Variants in KLF11 observed in about 807,000 individuals in gnomAD.
The protein encoded by KLF11 is KLF transcription factor 11.
Under a neutral mutation model 29.9 loss-of-function variants are expected in KLF11, and 26 were observed. The ratio of observed to expected loss-of-function variants is 0.87; its 90% CI spans 0.64 to 1.21. KLF11 has a LOEUF of 1.21. KLF11 is among the 50% of genes most tolerant of loss of function. KLF11 has a pLI of 0.00. For missense variants in KLF11, 778 were observed against 665.7 expected, an observed-to-expected ratio of 1.17 and a Z score of -1.86; for synonymous variants, 318 against 257.4, an observed-to-expected ratio of 1.24 and a Z score of -2.25.
chr2:10,049,195 C>T (rs1450964691), intron 3 of KLF11, among the ~76,000 whole-genome samples: 2 of 152,202 alleles, frequency 1.3e-5, no homozygotes, highest in East Asian at 3.8e-4. Flanking sequence ...TGTTGTCTGT[C>T]CATTAGGGTA....
intron 1 of KLF11, chr2:10,044,033 T>A: frequency 1.4e-6 from 1 of 718,510 alleles, no homozygotes; most frequent in Non-Finnish European, 1.7e-6. Context: ...GCCCCGCGGC[T>A]ATTTCCAGCC....
chr2:10,044,502 C>A, intron 1 of KLF11: 1 of 932,484 alleles, frequency 1.1e-6, no homozygotes, highest in Non-Finnish European at 1.3e-6. Flanking sequence ...GGTTTAGTGG[C>A]GCAGCCTGCG....
Position 10,052,470 on chromosome 2 carries a change from C to G in KLF11, c.1502C>G (p.Pro501Arg), listed in dbSNP as rs377358836. Reference sequence around the variant, plus strand: ...AACAGAATCGCCTCTGCAGAGAGCCCGGGGAGCCCACTGGTGAGCATGCCA... The same window carrying G: ...AACAGAATCGCCTCTGCAGAGAGCCGGGGGAGCCCACTGGTGAGCATGCCA... ...KLNRIASAES[P>R]GSPLVSMPAS... The change falls in exon 4 of 4, where the codon CCG (proline) becomes CGG (arginine). Residue 501 changes from proline to arginine, a missense_variant. Coordinates refer to ENST00000305883, the MANE Select transcript of KLF11 (RefSeq NM_003597.5). 1 of 1,613,988 alleles carries G rather than the reference C, an allele frequency of 6.2e-7. No homozygotes were observed. The highest frequency in any genetic ancestry group is 8.5e-7 in the Non-Finnish European group (1 of 1,179,996).
At chr2:10,044,316 A>T (rs1661109075) in intron 1 of KLF11, 2 of 985,336 alleles carry the variant, frequency 2.0e-6, no homozygotes, top group Admixed American at 6.2e-5. Context: ...GGAGGCGGGA[A>T]CGCGGCACGC....
intron 1 of KLF11, 176 bp downstream of exon 1, chr2:10,043,934 A>C: frequency 5.0e-6 from 5 of 1,006,212 alleles, no homozygotes; most frequent in Non-Finnish European, 5.9e-6. Context: ...GGCGGCCGCG[A>C]CGGGCGCGCC....
In KLF11 at chr2:10,053,433, C is replaced by T; in HGVS notation, c.*926C>T. 2.5e-6 allele frequency: 1 copy of T among 398,666 alleles called. No homozygotes were observed. The allele number at this position is 398,666 out of a possible 1,614,324, so 24.7% of individuals were successfully genotyped here. A position where few individuals can be genotyped will look rare whatever the true frequency, so the allele number is the denominator to read the frequency against. Reference sequence around the variant, plus strand: ...CTGACTCCTTTTGCTGTGGCCTTATCCGTACTATATTGTGGGTAGAGTAAC... The same window carrying T: ...CTGACTCCTTTTGCTGTGGCCTTATTCGTACTATATTGTGGGTAGAGTAAC... On this transcript the variant is annotated 3_prime_UTR_variant, in exon 4 of 4. Coordinates refer to ENST00000305883, the MANE Select transcript of KLF11 (RefSeq NM_003597.5).
rs74689564 is a variant in KLF11 at position 10,049,798 on chromosome 2, A to C, written c.1258+1203A>C. Among the ~76,000 whole-genome samples, 481 of 152,296 alleles carry C rather than the reference A, an allele frequency of 3.2e-3. 17 individuals are homozygous for C. The East Asian group carries it at 0.085, about 27-fold the overall frequency. ...CCTGGATATATTCCTGGTGCTTGAT[A>C]AAAGGGCCTGACACTAGTCAGTAAA... On this transcript the variant is annotated intron_variant, in intron 3 of 3. Coordinates refer to ENST00000305883, the MANE Select transcript of KLF11 (RefSeq NM_003597.5).
rs577668601 is a variant in KLF11 at position 10,053,016 on chromosome 2, A to C, written c.*509A>C. On this transcript the variant is annotated 3_prime_UTR_variant, in exon 4 of 4. Transcript: ENST00000305883. ...TTTAGTAAACTGGACATGTTATTCCACTACAAAAACCACAAGTTATCTGGC... is the reference window on the plus strand; with the variant it reads ...TTTAGTAAACTGGACATGTTATTCCCCTACAAAAACCACAAGTTATCTGGC... The C allele has an allele frequency of 2.6e-6, 1 of 384,360 alleles. No homozygotes were observed. 23.8% of individuals were successfully genotyped at this position (384,360 alleles called of 1,614,324 possible).
Position 10,053,042 on chromosome 2 carries a change from C to G in KLF11, c.*535C>G. ...CTACAAAAACCACAAGTTATCTGGC[C>G]TTTTAGATCTTTTTGGAATCGGACC... On this transcript the variant is annotated 3_prime_UTR_variant, in exon 4 of 4. Transcript: ENST00000305883. 2.6e-6 allele frequency: 1 copy of G among 391,358 alleles called. No individual in the cohort carries two copies. Among genetic ancestry groups the G allele is most frequent in the Non-Finnish European group, 4.5e-6 (1 of 222,288 alleles). 24.2% of individuals were successfully genotyped at this position (391,358 alleles called of 1,614,324 possible).
chr2:10,047,894 G>A lies in KLF11; in HGVS notation c.557G>A (p.Cys186Tyr), dbSNP rs762129130. ...IRHTGESPAA[C>Y]FPTIQTPDCR... ...CACACTGGGGAGAGCCCTGCTGCCT[G>A]CTTTCCCACCATCCAGACTCCAGAT... The change falls in exon 3 of 4, where the codon TGC (cysteine) becomes TAC (tyrosine). Residue 186 changes from cysteine to tyrosine, a missense_variant. Physicochemically the swap from Cys to Tyr is radical, Grantham distance 194. Coordinates refer to ENST00000305883, the MANE Select transcript of KLF11 (RefSeq NM_003597.5). 9 of 1,613,718 alleles carry A rather than the reference G, an allele frequency of 5.6e-6. No individual in the cohort carries two copies. Among genetic ancestry groups the A allele is most frequent in the Non-Finnish European group, 7.6e-6 (9 of 1,180,036 alleles).
Position 10,043,667 on chromosome 2 carries a change from C to G in KLF11, c.-50C>G. On this transcript the variant is annotated 5_prime_UTR_variant, in exon 1 of 4. Coordinates refer to ENST00000305883, the MANE Select transcript of KLF11 (RefSeq NM_003597.5). ...CAGCCCACGTGCGGCCGCTGCTGCG[C>G]CCGAGCTCACGCCCCGCGGCCGCTT... 8.0e-7 allele frequency: 1 copy of G among 1,248,930 alleles called. No homozygotes were observed. Among genetic ancestry groups the G allele is most frequent in the Non-Finnish European group, 1.0e-6 (1 of 974,176 alleles). The allele number at this position is 1,248,930 out of a possible 1,614,324, so 77.4% of individuals were successfully genotyped here.
intron 1 of KLF11, chr2:10,044,331 G>T (rs1572434627): frequency 1.0e-6 from 1 of 984,754 alleles, no homozygotes; most frequent in African/African-American, 1.7e-5. Flanking sequence ...GCACGCGAGC[G>T]TTGGGGGCCC....
intron 1 of KLF11, among the ~76,000 whole-genome samples, chr2:10,045,379 G>A (rs1215922756): frequency 6.6e-6 from 1 of 151,452 alleles, no homozygotes; most frequent in Non-Finnish European, 1.5e-5. Context: ...GACCAACATA[G>A]CAAAACTCTC....
chr2:10,050,159 A>T (rs1661359623), intron 3 of KLF11, among the ~76,000 whole-genome samples: 1 of 152,238 alleles, frequency 6.6e-6, no homozygotes, highest in African/African-American at 2.4e-5. Flanking sequence ...CTGTCATCCC[A>T]GCACTTTGGG....
rs1661197297 is a variant in KLF11 at position 10,046,258 on chromosome 2, C to T, written c.151C>T (p.Leu51Phe). 1.9e-6 allele frequency: 3 copies of T among 1,614,014 alleles called. No individual in the cohort carries two copies. The highest frequency in any genetic ancestry group is 1.7e-5 in the Admixed American group (1 of 59,992). Residue 51 changes from leucine (L) to phenylalanine (F), a missense_variant, in exon 2 of 4, where the codon CTT becomes TTT. Transcript: ENST00000305883. ...GACAGACATGGAAGCTGTCGAGGCT[C>T]TTGTTTGTATGAGCTCCTGGGGTCA... ...EQTDMEAVEA[L>F]VCMSSWGQRS...
chr2:10,044,117 C>T, intron 1 of KLF11: 3 of 542,334 alleles, frequency 5.5e-6, no homozygotes, highest in Non-Finnish European at 4.5e-6. Context: ...CGGCACGCGG[C>T]CTTGGGGGCG....
In KLF11 at chr2:10,052,674, T is replaced by C. The variant is rs1661444520; in HGVS notation, c.*167T>C. ...AAGTATGTTAACTTTTCTTTTCCAC[T>C]TGGGACCCTGTTCAGTATCTTTTGT... On this transcript the variant is annotated 3_prime_UTR_variant, in exon 4 of 4. Coordinates refer to ENST00000305883, the MANE Select transcript of KLF11 (RefSeq NM_003597.5). 4.4e-6 allele frequency: 3 copies of C among 678,108 alleles called. No individual in the cohort carries two copies. The highest frequency in any genetic ancestry group is 3.6e-5 in the African/African-American group (2 of 55,600). 42.0% of individuals were successfully genotyped at this position (678,108 alleles called of 1,614,324 possible). A position where few individuals can be genotyped will look rare whatever the true frequency, so the allele number is the denominator to read the frequency against.
In KLF11 at chr2:10,047,718, A is replaced by G. The variant is rs1312784369; in HGVS notation, c.381A>G (p.Val127=). The change falls in exon 3 of 4, where the codon GTA becomes GTG. Residue 127 remains valine (V), a synonymous_variant. Transcript: ENST00000305883. ...CAAGGACACCTGTTTCTCCCCAAGT[A>G]ACAGATTCCAAAGCATGTACAGCCA... ...PSTRTPVSPQ[V]TDSKACTATD... is the part of the protein sequence containing the mutation. 4 of 1,613,542 alleles carry G rather than the reference A, an allele frequency of 2.5e-6. No homozygotes were observed. Among genetic ancestry groups the G allele is most frequent in the East Asian group, 2.2e-5 (1 of 44,890 alleles).
intron 1 of KLF11, 32 bp from the exon 2 acceptor site, chr2:10,046,118 A>G (rs1481309651): frequency 6.2e-7 from 1 of 1,612,564 alleles, no homozygotes. Flanking sequence ...TTTCCCCTGC[A>G]CTGAGAAGCC....
Sources: gnomAD v4.1 joint callset for allele counts (sites outside exome capture counted in the v4.1 genomes callset) on GRCh38, gnomAD v4.1.1 for gene constraint, MANE v1.5 for transcripts, NCBI Gene and HGNC (gene_info 2026-07-23, HGNC 2026-07-21) for gene names.